LOXL2: variants seen among roughly 807,000 people sequenced by gnomAD.
LOXL2 encodes lysyl oxidase like 2.
In LOXL2, 70 loss-of-function variants were observed where a neutral mutation model predicts 93.0. The ratio of observed to expected loss-of-function variants is 0.75; its 90% confidence interval spans 0.62 to 0.92. LOXL2 has a LOEUF of 0.92. Ranked by LOEUF, LOXL2 falls within the 40% of genes least tolerant of loss-of-function variation. The pLI, the probability that LOXL2 is intolerant of heterozygous loss-of-function variation, is 0.00. For missense variants in LOXL2, 973 were observed against 1,054.9 expected (o/e 0.92, Z 1.08); for synonymous variants, 438 against 413.2 (o/e 1.06, Z -0.73).
chr8:23,367,750 G>T (rs1223473539), intron 2 of LOXL2, among the ~76,000 whole-genome samples: 1 of 152,148 alleles, frequency 6.6e-6, no homozygotes, highest in Non-Finnish European at 1.5e-5. Flanking sequence ...CTGTGCTAAA[G>T]CCAGGAAAGT....
chr8:23,328,485 G>C lies in LOXL2; in HGVS notation c.1047C>G (p.Thr349=). Residue 349 remains threonine, a synonymous_variant, in exon 6 of 14, where the codon ACC becomes ACG. Coordinates refer to ENST00000389131, the MANE Select transcript of LOXL2 (RefSeq NM_002318.3). ...VEVLKNGEWG[T]VCDDKWDLVS... ...CCAGGTCCCACTTGTCGTCGCAGAC[G>C]GTCCCCCATTCTCCATTTTTGAGCA... 1 of 1,614,082 alleles carries C rather than the reference G, an allele frequency of 6.2e-7. No homozygotes were observed. The highest frequency in any genetic ancestry group is 8.5e-7 in the Non-Finnish European group (1 of 1,180,026).
Position 23,298,053 on chromosome 8 carries a change from G to C in LOXL2, c.2315C>G (p.Ser772Cys), listed in dbSNP as rs146999513. 97 of 1,613,744 alleles carry C rather than the reference G, an allele frequency of 6.0e-5. 1 individual carries two copies. In the African/African-American group the frequency reaches 1.2e-3, roughly 20 times the overall value. Residue 772 changes from serine to cysteine, a missense_variant, in exon 14 of 14, where the codon TCC becomes TGC. By Grantham distance (112) the Ser-to-Cys change is moderately radical. Transcript: ENST00000389131. ...ACCACGCAGGCTTCTTTACTGCGGG[G>C]ACAGCTGGTTGTTTAAGAGCCCGCT... is the stretch of plus-strand genomic sequence containing the variant. ...HFSGLLNNQLSPQ is the reference protein window; with the variant it reads ...HFSGLLNNQLCPQ
intron 3 of LOXL2, among the ~76,000 whole-genome samples, chr8:23,344,897 G>A (rs541511671): frequency 1.5e-4 from 23 of 152,230 alleles, no homozygotes; most frequent in Admixed American, 6.5e-4. Flanking sequence ...CAAATCTACC[G>A]TATGCATTCA....
chr8:23,375,365 G>C (rs1256360609), intron 1 of LOXL2, among the ~76,000 whole-genome samples: 3 of 152,130 alleles, frequency 2.0e-5, no homozygotes, highest in Non-Finnish European at 4.4e-5. Flanking sequence ...AGTATAGTTT[G>C]AAGTCAGGTA....
chr8:23,328,779 A>C, intron 5 of LOXL2: 1 of 530,130 alleles, frequency 1.9e-6, no homozygotes, highest in Admixed American at 3.0e-5. Context: ...AGCTTCCTCT[A>C]TAGAGTCAGC....
rs570249902 is a variant in LOXL2 at position 23,358,817 on chromosome 8, G to A, written c.531+1273C>T. Among the ~76,000 whole-genome samples the A allele has an allele frequency of 3.5e-4, 53 of 151,842 alleles. No individual in the cohort carries two copies. The South Asian group carries it at 8.6e-3, about 25-fold the overall frequency. Reference sequence around the variant, plus strand: ...CCATAGCAGGATATTTTGAGTCAGCGGGTCAGTGGGGAGGCCCCAGTACCT... The same window carrying A: ...CCATAGCAGGATATTTTGAGTCAGCAGGTCAGTGGGGAGGCCCCAGTACCT... On this transcript the variant is annotated intron_variant, in intron 3 of 13. Transcript: ENST00000389131.
At chr8:23,362,192 T>C (rs1804306077) in intron 2 of LOXL2, among the ~76,000 whole-genome samples, 1 of 152,166 alleles carries the variant, frequency 6.6e-6, no homozygotes, top group African/African-American at 2.4e-5. Context: ...TGAAACCTGC[T>C]GCAATAAAGA....
chr8:23,385,472 C>G (rs940266570), intron 1 of LOXL2, among the ~76,000 whole-genome samples: 4 of 150,264 alleles, frequency 2.7e-5, no homozygotes, highest in Non-Finnish European at 5.9e-5. Flanking sequence ...GTTGGCTAGA[C>G]TGGTCTTGAA....
chr8:23,298,609 C>G (rs548219091), intron 13 of LOXL2, among the ~76,000 whole-genome samples: 3 of 152,348 alleles, frequency 2.0e-5, no homozygotes, highest in African/African-American at 7.2e-5. Context: ...GGGGTCTGCA[C>G]TGGGCTGGCC....
chr8:23,395,070 A>G (rs539833016), intron 1 of LOXL2, among the ~76,000 whole-genome samples: 1 of 152,296 alleles, frequency 6.6e-6, no homozygotes, highest in East Asian at 1.9e-4. Context: ...CCTGGCCAAC[A>G]TGGTGAAACC....
At chr8:23,368,867 G>A (rs1257804072) in intron 1 of LOXL2, among the ~76,000 whole-genome samples, 4 of 136,636 alleles carry the variant, frequency 2.9e-5, no homozygotes, top group Non-Finnish European at 6.8e-5. Context: ...AGGAGCTGTG[G>A]CCCTCACTGG....
Position 23,318,440 on chromosome 8 carries a change from CACACACACACACACACACACAA to C in LOXL2, c.1471-1348_1471-1327del, listed in dbSNP as rs1237475351. ...TTGGTTGATAGCACACACACACACA[CACACACACACACACACACACAA>C]AAATACACATTCATACAACCTACTG... is the stretch of plus-strand genomic sequence containing the variant. On this transcript the variant is annotated intron_variant, in intron 8 of 13. Transcript: ENST00000389131. Among the ~76,000 whole-genome samples, 631 of 146,398 alleles carry C rather than the reference CACACACACACACACACACACAA, an allele frequency of 4.3e-3. 8 individuals carry two copies. The highest frequency in any genetic ancestry group is 0.016 in the African/African-American group (595 of 37,230).
intron 9 of LOXL2, among the ~76,000 whole-genome samples, chr8:23,310,217 T>C (rs1207655144): frequency 6.6e-6 from 1 of 152,222 alleles, no homozygotes; most frequent in African/African-American, 2.4e-5. Context: ...CTGTGCCTCA[T>C]AAGCACTGAA....
At chr8:23,309,571 T>C (rs987178134) in intron 10 of LOXL2, 97 bp downstream of exon 10, 402 of 1,295,294 alleles carry the variant, frequency 3.1e-4, no homozygotes, top group Non-Finnish European at 3.6e-4. Context: ...ATGCAGCCTC[T>C]TGGCTCTAAG....
At chr8:23,352,690 A>C (rs1804114314) in intron 3 of LOXL2, among the ~76,000 whole-genome samples, 4 of 152,124 alleles carry the variant, frequency 2.6e-5, no homozygotes, top group African/African-American at 9.7e-5. Flanking sequence ...GGTTAAGATG[A>C]GAAGAAAGGG....
intron 3 of LOXL2, among the ~76,000 whole-genome samples, chr8:23,346,086 T>A (rs1211873283): frequency 2.2e-5 from 1 of 46,434 alleles, no homozygotes; most frequent in Non-Finnish European, 4.2e-5. Flanking sequence ...AATAAAATAA[T>A]AAAATAAAAT....
At position 23,395,705 on chromosome 8, in the gene LOXL2, T is replaced by A. The variant is rs1800081024; in HGVS notation, c.-84+8249A>T. ...TGACTGAAGACTTTATTATTATTATTTTATTATTTTTGGAGGCAGAGTCTT... is the reference window on the plus strand; with the variant it reads ...TGACTGAAGACTTTATTATTATTATATTATTATTTTTGGAGGCAGAGTCTT... On this transcript the variant is annotated intron_variant, in intron 1 of 13. Coordinates refer to ENST00000389131, the MANE Select transcript of LOXL2 (RefSeq NM_002318.3). 5.3e-5 allele frequency among the ~76,000 whole-genome samples: 8 copies of A among 152,236 alleles called. No individual in the cohort carries two copies. The South Asian group carries it at 1.7e-3, about 32-fold the overall frequency.
chr8:23,391,539 ACT>A, intron 1 of LOXL2, among the ~76,000 whole-genome samples: 1 of 151,568 alleles, frequency 6.6e-6, no homozygotes, highest in East Asian at 1.9e-4. Context: ...CTACACACAC[ACT>A]CTCTCAGACA....
chr8:23,319,860 G>A (rs751183101), intron 8 of LOXL2, 25 bp downstream of exon 8: 43 of 1,608,932 alleles, frequency 2.7e-5, no homozygotes, highest in African/African-American at 4.0e-5. Flanking sequence ...GGGTGAATGC[G>A]GGGTCTGAGG....
Sources: gnomAD v4.1 joint callset for allele counts (sites outside exome capture counted in the v4.1 genomes callset) on GRCh38, gnomAD v4.1.1 for gene constraint, MANE v1.5 for transcripts, NCBI Gene and HGNC (gene_info 2026-07-23, HGNC 2026-07-21) for gene names.